Variants in ZNF397 observed in about 807,000 individuals in gnomAD.
The protein encoded by ZNF397 is zinc finger and SCAN domain-containing protein 15.
A neutral mutation model predicts 50.6 loss-of-function variants in ZNF397; 38 were observed. The observed-to-expected ratio is 0.75, with a 90% CI of 0.58 to 0.98. ZNF397 has a LOEUF of 0.98. ZNF397 is among the 50% of genes least tolerant of loss of function. The pLI is 0.00. For missense variants in ZNF397, 624 were observed against 624.1 expected (o/e 1.00, Z 0.00); for synonymous variants, 228 against 215.2 (o/e 1.06, Z -0.52).
chr18:35,247,666 A>ATTTTTTTTTTTTTTTTTTT lies in ZNF397; in HGVS notation c.*1363_*1381dup, dbSNP rs753489329. On this transcript the variant is annotated 3_prime_UTR_variant, in exon 4 of 4. Coordinates refer to ENST00000330501, the MANE Select transcript of ZNF397 (RefSeq NM_001135178.3). ...CCAGTATTTCACAATATCTTTTGCA[A>ATTTTTTTTTTTTTTTTTTT]TTTTTTTTTTTTTTTTTTTTTTTTT... The ATTTTTTTTTTTTTTTTTTT allele has an allele frequency of 8.3e-5, 6 of 71,946 alleles. No individual in the cohort carries two copies. Among genetic ancestry groups the ATTTTTTTTTTTTTTTTTTT allele is most frequent in the Non-Finnish European group, 1.2e-4 (5 of 41,590 alleles). The allele number at this position is 71,946 out of a possible 1,614,324, so 4.5% of individuals were successfully genotyped here. A position where few individuals can be genotyped will look rare whatever the true frequency, so the allele number is the denominator to read the frequency against.
At position 35,249,652 on chromosome 18, in the gene ZNF397, CAAAAAAAAA is replaced by C. The variant is rs35303747; in HGVS notation, c.*3360_*3368del. ...TGGGTGACAGAGTGAGACTGTGTCT[CAAAAAAAAA>C]AAAAAAAAAAAAAAAAACACTGATG... On this transcript the variant is annotated 3_prime_UTR_variant, in exon 4 of 4. Transcript: ENST00000330501. The C allele has an allele frequency of 4.7e-4, 12 of 25,654 alleles. No individual in the cohort carries two copies. The highest frequency in any genetic ancestry group is 1.6e-3 in the African/African-American group (12 of 7,444). The allele number at this position is 25,654 out of a possible 1,614,324, so 1.6% of individuals were successfully genotyped here. A position where few individuals can be genotyped will look rare whatever the true frequency, so the allele number is the denominator to read the frequency against.
At chr18:35,243,019 C>CTA in intron 2 of ZNF397, 133 bp from the exon 3 acceptor site, 1 of 1,494,316 alleles carries the variant, frequency 6.7e-7, no homozygotes, top group African/African-American at 1.4e-5. Context: ...CCATACTTGT[C>CTA]TATACCCTTG....
rs1255817078 is a variant in ZNF397 at position 35,245,747 on chromosome 18, A to G, written c.1042A>G (p.Lys348Glu). 1 of 1,552,182 alleles carries G rather than the reference A, an allele frequency of 6.4e-7. No homozygotes were observed. The highest frequency in any genetic ancestry group is 8.7e-7 in the Non-Finnish European group (1 of 1,147,174). ...EKAYECSECG[K>E]AFNQSSALIR... is the part of the protein sequence containing the mutation. Reference sequence around the variant, plus strand: ...AGCATATGAATGTAGTGAATGTGGGAAAGCTTTCAATCAGAGCTCAGCCCT... The same window carrying G: ...AGCATATGAATGTAGTGAATGTGGGGAAGCTTTCAATCAGAGCTCAGCCCT... The change falls in exon 4 of 4, where the codon AAA becomes GAA. Residue 348 changes from lysine (K) to glutamate (E), a missense_variant. Transcript: ENST00000330501.
chr18:35,246,230 TA>T lies in ZNF397; in HGVS notation c.1526del (p.Tyr509LeufsTer25). On this transcript the variant is annotated frameshift_variant, in exon 4 of 4. Transcript: ENST00000330501. LOFTEE classifies it high-confidence loss of function. ...GAGAATTCATTCTGGGGATGAAGCTTATATATGTAATGAATGTGGGAAGGCT... is the reference window on the plus strand; with the variant it reads ...GAGAATTCATTCTGGGGATGAAGCTTTATATGTAATGAATGTGGGAAGGCT... ...HQRIHSGDEA[Y>X]ICNECGKAFR... 6.4e-7 allele frequency: 1 copy of T among 1,552,180 alleles called. No individual in the cohort carries two copies. The highest frequency in any genetic ancestry group is 8.7e-7 in the Non-Finnish European group (1 of 1,147,098).
At chr18:35,253,510 T>C, downstream of ZNF397, 14 of 1,611,452 alleles carry the variant, frequency 8.7e-6, no homozygotes, top group Non-Finnish European at 9.3e-6. Context: ...TAAATGTTTT[T>C]CTACATTCAC....
rs1912701135 is a variant in ZNF397, at chr18:35,243,637, G to A, written c.556+344G>A. The A allele has an allele frequency of 5.5e-6, 3 of 543,162 alleles. No homozygotes were observed. In the African/African-American group the frequency reaches 5.7e-5, roughly 10 times the overall value. The allele number at this position is 543,162 out of a possible 1,614,324, so 33.6% of individuals were successfully genotyped here. ...CAATGTAGTAAATTATAGAATATAA[G>A]TAGGCAGTGGGTACTGTTGGAGCAC... On this transcript the variant is annotated intron_variant, in intron 3 of 3. Coordinates refer to ENST00000330501, the MANE Select transcript of ZNF397 (RefSeq NM_001135178.3).
chr18:35,242,906 G>A (rs1294833439), intron 2 of ZNF397, 22 bp downstream of exon 2: 3 of 1,573,594 alleles, frequency 1.9e-6, no homozygotes, highest in East Asian at 4.5e-5. Flanking sequence ...GAAAAGTGAT[G>A]TGGGAAAAGG....
At chr18:35,254,171 C>G (rs1233886804), downstream of ZNF397, 2 of 1,614,186 alleles carry the variant, frequency 1.2e-6, no homozygotes, top group South Asian at 1.1e-5. Flanking sequence ...ACTGAAATGT[C>G]TGTCCTGGGA....
chr18:35,256,609 T>C (rs1267691055), intron 5 of ZNF397, among the ~76,000 whole-genome samples: 2 of 151,998 alleles, frequency 1.3e-5, no homozygotes, highest in Non-Finnish European at 2.9e-5. Context: ...AATACTTGCA[T>C]AGAGAGAACC....
chr18:35,243,615 T>G (rs1239109797), intron 3 of ZNF397: 1 of 583,926 alleles, frequency 1.7e-6, no homozygotes, highest in Non-Finnish European at 3.0e-6. Context: ...GCAGTTGCAA[T>G]GTAGTAAATT....
chr18:35,251,366 C>T (rs1216328733), downstream of ZNF397: 3 of 152,126 alleles, frequency 2.0e-5, no homozygotes, highest in African/African-American at 7.2e-5. Context: ...CTGATTGTCA[C>T]CTATAGGAAA....
At position 35,243,244 on chromosome 18, in the gene ZNF397, C is replaced by A. The variant is rs1912656250; in HGVS notation, c.507C>A (p.Pro169=). The A allele has an allele frequency of 6.2e-7, 1 of 1,614,112 alleles. No individual in the cohort carries two copies. Among genetic ancestry groups the A allele is most frequent in the Admixed American group, 1.7e-5 (1 of 60,006 alleles). The part of the protein sequence containing the change: ...SQESTDIHLQ[P]LKTQLKSWKP... ...AGTCAACAGACATCCACCTCCAGCC[C>A]TTAAAGACACAGCTGAAATCCTGGA... The change falls in exon 3 of 4, where the codon CCC becomes CCA. Residue 169 remains proline, a synonymous_variant. Transcript: ENST00000330501.
intron 1 of ZNF397, among the ~76,000 whole-genome samples, 174 bp from the exon 2 acceptor site, chr18:35,242,217 G>C (rs1387878554): frequency 6.6e-6 from 1 of 152,192 alleles, no homozygotes; most frequent in East Asian, 1.9e-4. Context: ...TTCATAATGG[G>C]AGACACTAAT....
chr18:35,255,290 T>C (rs1292048606), intron 5 of ZNF397, among the ~76,000 whole-genome samples: 1 of 151,558 alleles, frequency 6.6e-6, no homozygotes, highest in Admixed American at 6.6e-5. Context: ...ATGGGGCATA[T>C]TATGTCAGCC....
At chr18:35,256,963 A>G in intron 5 of ZNF397, 1 of 153,754 alleles carries the variant, frequency 6.5e-6, no homozygotes, top group Non-Finnish European at 1.4e-5. Flanking sequence ...TTTTGTAGAC[A>G]CGGGGTCTTG....
At position 35,246,545 on chromosome 18, in the gene ZNF397, G is replaced by C. The variant is rs746128924; in HGVS notation, c.*235G>C. On this transcript the variant is annotated 3_prime_UTR_variant, in exon 4 of 4. Transcript: ENST00000330501. Reference sequence around the variant, plus strand: ...TTACTTCCAGCTCTTCTCTTATTAGGAATACTCAGGAAATACGAAAAGTGG... The same window carrying C: ...TTACTTCCAGCTCTTCTCTTATTAGCAATACTCAGGAAATACGAAAAGTGG... The C allele has an allele frequency of 2.3e-6, 3 of 1,287,544 alleles. No homozygotes were observed. The highest frequency in any genetic ancestry group is 2.9e-6 in the Non-Finnish European group (3 of 1,019,504). 79.8% of individuals were successfully genotyped at this position (1,287,544 alleles called of 1,614,324 possible).
rs772022144 is a variant in ZNF397, at chr18:35,242,825, G to A, written c.355G>A (p.Glu119Lys). Reference sequence around the variant, plus strand: ...TCAGCAACATAATCCAGAAAGCGGCGAGGAAGCTGTGACCCTGTTGGAGGA... The same window carrying A: ...TCAGCAACATAATCCAGAAAGCGGCAAGGAAGCTGTGACCCTGTTGGAGGA... ...WVQQHNPESG[E>K]EAVTLLEDLE... The change falls in exon 2 of 4, where the codon GAG becomes AAG. Residue 119 changes from glutamate to lysine, a missense_variant. Physicochemically the swap from Glu to Lys is moderately conservative, Grantham distance 56. Transcript: ENST00000330501. 18 of 1,614,086 alleles carry A rather than the reference G, an allele frequency of 1.1e-5. No homozygotes were observed. The highest frequency in any genetic ancestry group is 2.2e-5 in the East Asian group (1 of 44,872).
downstream of ZNF397, chr18:35,253,866 A>C (rs879537764): frequency 8.1e-6 from 13 of 1,614,058 alleles, no homozygotes; most frequent in Admixed American, 1.5e-4. Flanking sequence ...CAACATTCAT[A>C]GGGTTTTTCA....
At chr18:35,254,875 G>A (rs1383830362) in intron 5 of ZNF397, 5 of 162,964 alleles carry the variant, frequency 3.1e-5, no homozygotes, top group African/African-American at 1.2e-4. Flanking sequence ...TAGCTGGGCA[G>A]CAACTAGAAA....
Sources: gnomAD v4.1 joint callset for allele counts (sites outside exome capture counted in the v4.1 genomes callset) on GRCh38, gnomAD v4.1.1 for gene constraint, MANE v1.5 for transcripts, NCBI Gene and HGNC (gene_info 2026-07-23, HGNC 2026-07-21) for gene names.